Variants in EPHB1 observed in about 807,000 individuals in gnomAD.
EPHB1 encodes the protein EPH receptor B1, also known as ephrin type-B receptor 1.
EPHB1 carries 30 observed loss-of-function variants against 94.4 expected under a neutral mutation model. That is an observed-to-expected ratio of 0.32 (90% CI 0.24 to 0.43). The LOEUF (loss-of-function observed/expected upper bound fraction) is 0.43. Among genes scored for constraint, EPHB1 ranks in the 20% least tolerant of loss-of-function variants. The pLI is 1.00. For missense variants in EPHB1, 1,055 were observed against 1,308.3 expected (o/e 0.81, Z 2.99); for synonymous variants, 522 against 489.1 (o/e 1.07, Z -0.89).
intron 3 of EPHB1, among the ~76,000 whole-genome samples, chr3:135,070,863 A>T (rs2107781690): frequency 6.6e-6 from 1 of 152,282 alleles, no homozygotes; most frequent in African/African-American, 2.4e-5. Flanking sequence ...TAGGAGAGAA[A>T]GCTCTGTAAC....
intron 3 of EPHB1, among the ~76,000 whole-genome samples, chr3:134,969,170 T>G (rs1933876485): frequency 6.6e-6 from 1 of 152,234 alleles, no homozygotes; most frequent in South Asian, 2.1e-4. Flanking sequence ...TTGGCAGCAC[T>G]TGGTATTATC....
intron 1 of EPHB1, among the ~76,000 whole-genome samples, chr3:134,878,454 G>C (rs562956874): frequency 6.6e-6 from 1 of 152,282 alleles, no homozygotes; most frequent in Non-Finnish European, 1.5e-5. Flanking sequence ...TGGCTGAAGA[G>C]GTCGACATCG....
intron 1 of EPHB1, among the ~76,000 whole-genome samples, chr3:134,814,051 A>G (rs1281080491): frequency 6.6e-6 from 1 of 152,160 alleles, no homozygotes; most frequent in Non-Finnish European, 1.5e-5. Context: ...CACTTAGTAA[A>G]TGATGGATGG....
chr3:135,016,621 C>A (rs532330207), intron 3 of EPHB1, among the ~76,000 whole-genome samples: 1 of 152,326 alleles, frequency 6.6e-6, no homozygotes, highest in African/African-American at 2.4e-5. Context: ...CCCATGGCCA[C>A]CCAGTGCATC....
chr3:134,997,925 C>A (rs1935046470), intron 3 of EPHB1, among the ~76,000 whole-genome samples: 1 of 152,164 alleles, frequency 6.6e-6, no homozygotes, highest in African/African-American at 2.4e-5. Flanking sequence ...TTTGCTGAGA[C>A]CCAGTGAGGT....
chr3:134,919,178 T>C (rs948632715), intron 1 of EPHB1, among the ~76,000 whole-genome samples: 1 of 152,008 alleles, frequency 6.6e-6, no homozygotes, highest in African/African-American at 2.4e-5. Context: ...AAGACTGAAG[T>C]AGAGGAAGGA....
At chr3:135,113,018 G>A (rs1031560182) in intron 4 of EPHB1, among the ~76,000 whole-genome samples, 1 of 152,172 alleles carries the variant, frequency 6.6e-6, no homozygotes, top group African/African-American at 2.4e-5. Flanking sequence ...ACCCCGATAT[G>A]TAATCCATGT....
chr3:135,179,570 G>A (rs193223336), intron 9 of EPHB1, among the ~76,000 whole-genome samples: 132 of 152,288 alleles, frequency 8.7e-4, no homozygotes, highest in Non-Finnish European at 1.5e-3. Context: ...CCCGGTGTGG[G>A]AACTGGTCCC....
At chr3:135,228,645 C>T (rs1407926647) in intron 12 of EPHB1, among the ~76,000 whole-genome samples, 1 of 152,130 alleles carries the variant, frequency 6.6e-6, no homozygotes, top group Non-Finnish European at 1.5e-5. Context: ...ATTCTTATCT[C>T]TCAACCAACG....
At chr3:135,046,090 A>T (rs1461512340) in intron 3 of EPHB1, among the ~76,000 whole-genome samples, 1 of 152,158 alleles carries the variant, frequency 6.6e-6, no homozygotes, top group African/African-American at 2.4e-5. Context: ...GCATGAAGAG[A>T]TTTGCAATGC....
chr3:134,913,868 G>A (rs1475606791), intron 1 of EPHB1, among the ~76,000 whole-genome samples: 2 of 152,204 alleles, frequency 1.3e-5, no homozygotes, highest in Non-Finnish European at 2.9e-5. Flanking sequence ...ATTGGTGGTG[G>A]TCGGTGGTGC....
chr3:135,030,976 A>T (rs1038710540), intron 3 of EPHB1, among the ~76,000 whole-genome samples: 1 of 151,970 alleles, frequency 6.6e-6, no homozygotes, highest in African/African-American at 2.4e-5. Flanking sequence ...GGTGGGTGTG[A>T]CCCTATTCTC....
intron 10 of EPHB1, among the ~76,000 whole-genome samples, chr3:135,186,088 A>C (rs546958611): frequency 2.0e-5 from 3 of 152,344 alleles, no homozygotes; most frequent in African/African-American, 7.2e-5. Context: ...AGCTAATTAC[A>C]TATAAAATGT....
At chr3:135,151,442 C>T (rs997072069) in intron 5 of EPHB1, among the ~76,000 whole-genome samples, 4 of 152,178 alleles carry the variant, frequency 2.6e-5, no homozygotes, top group Admixed American at 6.5e-5. Context: ...GCTTCTCAGG[C>T]AGCCTTCCCT....
intron 1 of EPHB1, among the ~76,000 whole-genome samples, chr3:134,812,806 G>C (rs1478219320): frequency 1.3e-5 from 2 of 152,282 alleles, no homozygotes; most frequent in African/African-American, 4.8e-5. Flanking sequence ...ACCCTGGTGG[G>C]TGTCTCATGG....
intron 3 of EPHB1, among the ~76,000 whole-genome samples, chr3:135,009,861 C>A (rs1935559739): frequency 6.6e-6 from 1 of 152,160 alleles, no homozygotes; most frequent in Admixed American, 6.5e-5. Flanking sequence ...TTTTAAAGAA[C>A]TTTTTTGTGT....
chr3:134,825,753 C>A (rs2036465088), intron 1 of EPHB1, among the ~76,000 whole-genome samples: 2 of 152,144 alleles, frequency 1.3e-5, no homozygotes, highest in South Asian at 4.1e-4. Flanking sequence ...TTAGTATACT[C>A]CAGTCTCCTT....
At chr3:134,834,431 A>C (rs1334381823) in intron 1 of EPHB1, among the ~76,000 whole-genome samples, 1 of 152,000 alleles carries the variant, frequency 6.6e-6, no homozygotes, top group Non-Finnish European at 1.5e-5. Flanking sequence ...GACTCTGGAT[A>C]GTCTTTTGGA....
Position 134,917,553 on chromosome 3 carries a change from G to A in EPHB1, c.59-8263G>A, listed in dbSNP as rs73224326. Among the ~76,000 whole-genome samples the A allele has an allele frequency of 6.2e-3, 944 of 152,292 alleles. 6 individuals carry two copies. Among genetic ancestry groups the A allele is most frequent in the Non-Finnish European group, 1.0e-2 (677 of 68,018 alleles). ...AAGCTGCGTCTTCTTTCTAGTTACC[G>A]TAATTAATTGCACCTTGGAACACAA... On this transcript the variant is annotated intron_variant, in intron 1 of 15. Coordinates refer to ENST00000398015, the MANE Select transcript of EPHB1 (RefSeq NM_004441.5).
Sources: allele counts gnomAD v4.1 joint callset (sites outside exome capture counted in the v4.1 genomes callset), GRCh38; gene constraint gnomAD v4.1.1; transcripts MANE v1.5; gene names NCBI Gene and HGNC (gene_info 2026-07-23, HGNC 2026-07-21).